TTLL5: variants seen among roughly 807,000 people sequenced by gnomAD.
TTLL5 encodes tubulin tyrosine ligase like 5.
In TTLL5, 132 loss-of-function variants were observed where a neutral mutation model predicts 168.4. The observed-to-expected ratio is 0.78, with a 90% CI of 0.68 to 0.91. The LOEUF is 0.91. Among genes scored for constraint, TTLL5 ranks in the 40% least tolerant of loss-of-function variants. The probability of loss-of-function intolerance (pLI) is 0.00; values close to 1 mark genes in which losing one functional copy is unlikely to be tolerated. For missense variants in TTLL5, 1,545 were observed against 1,581.5 expected, an observed-to-expected ratio of 0.98 and a Z score of 0.39; for synonymous variants, 546 against 558.6, an observed-to-expected ratio of 0.98 and a Z score of 0.32.
At chr14:75,750,969 G>A (rs1354894983) in intron 17 of TTLL5, among the ~76,000 whole-genome samples, 3 of 152,186 alleles carry the variant, frequency 2.0e-5, no homozygotes, top group Non-Finnish European at 4.4e-5. Flanking sequence ...CATAGGCATT[G>A]TGACGTGGTG....
At chr14:75,947,068 T>C (rs2034798036) in intron 31 of TTLL5, among the ~76,000 whole-genome samples, 1 of 152,182 alleles carries the variant, frequency 6.6e-6, no homozygotes, top group Non-Finnish European at 1.5e-5. Context: ...GACTTGGCGC[T>C]TGTCTTCTGA....
At chr14:75,782,841 G>C (rs1254916456) in intron 25 of TTLL5, among the ~76,000 whole-genome samples, 1 of 152,180 alleles carries the variant, frequency 6.6e-6, no homozygotes, top group Non-Finnish European at 1.5e-5. Context: ...ATTAGCTGTT[G>C]CTAGTGGAGA....
chr14:75,786,184 T>C (rs988610993), intron 26 of TTLL5, among the ~76,000 whole-genome samples: 1 of 152,164 alleles, frequency 6.6e-6, no homozygotes, highest in African/African-American at 2.4e-5. Context: ...TGGGTGATCT[T>C]GTTCTTGTGA....
intron 3 of TTLL5, among the ~76,000 whole-genome samples, chr14:75,672,370 C>G (rs1007501623): frequency 6.6e-6 from 1 of 152,066 alleles, no homozygotes; most frequent in Non-Finnish European, 1.5e-5. Flanking sequence ...CTCAGCCTCC[C>G]GAGTAGCTGG....
intron 18 of TTLL5, among the ~76,000 whole-genome samples, chr14:75,757,169 G>A (rs7160084): frequency 0.75 from 113,887 of 151,950 alleles, 42,966 homozygotes; most frequent in Admixed American, 0.8. Context: ...GTAGAGACAG[G>A]GTTTCACCGT....
At chr14:75,835,658 A>T (rs1197878212) in intron 28 of TTLL5, 1 of 152,248 alleles carries the variant, frequency 6.6e-6, no homozygotes, top group Non-Finnish European at 1.5e-5. Flanking sequence ...CTGATAAGAG[A>T]TTAATAATCA....
At chr14:75,745,024 G>A (rs1594959400) in intron 15 of TTLL5, 71 bp from the exon 16 acceptor site, 4 of 1,217,618 alleles carry the variant, frequency 3.3e-6, no homozygotes, top group African/African-American at 1.5e-5. Context: ...TTGAGGGAAT[G>A]AACAGAGGGT....
At position 75,686,056 on chromosome 14, in the gene TTLL5, AG is replaced by A. The variant is rs1169594167; in HGVS notation, c.371+2401del. 2.0e-5 allele frequency among the ~76,000 whole-genome samples: 3 copies of A among 152,212 alleles called. No individual in the cohort carries two copies. In the East Asian group the frequency reaches 5.8e-4, roughly 29 times the overall value. On this transcript the variant is annotated intron_variant, in intron 5 of 31. Transcript: ENST00000298832. ...TTCAGAAGAGGGCCGTAGATAAGAA[AG>A]AAATGTTTGTGGTACCTAGATTTGC...
chr14:75,856,143 A>C (rs2139911388), intron 28 of TTLL5, among the ~76,000 whole-genome samples: 1 of 152,238 alleles, frequency 6.6e-6, no homozygotes, highest in South Asian at 2.1e-4. Flanking sequence ...CGGGCTGATC[A>C]CCTGAGGTCG....
chr14:75,841,297 T>C (rs1191883435), intron 28 of TTLL5, among the ~76,000 whole-genome samples: 2 of 152,220 alleles, frequency 1.3e-5, no homozygotes, highest in Non-Finnish European at 2.9e-5. Flanking sequence ...ATTAACTTTC[T>C]GTCAGAAAAA....
At chr14:75,850,564 G>C (rs1896791309) in intron 28 of TTLL5, among the ~76,000 whole-genome samples, 2 of 152,168 alleles carry the variant, frequency 1.3e-5, no homozygotes, top group South Asian at 2.1e-4. Flanking sequence ...TAGGTGCCTA[G>C]TATATGCTAG....
At chr14:75,914,033 A>AAAAAAAAATATAT in intron 31 of TTLL5, among the ~76,000 whole-genome samples, 2 of 71,100 alleles carry the variant, frequency 2.8e-5, no homozygotes, top group Non-Finnish European at 4.1e-5. Context: ...AAAAAAAAAA[A>AAAAAAAAATATAT]ATATATATAT....
chr14:75,741,518 T>C (rs1048372350), intron 15 of TTLL5, among the ~76,000 whole-genome samples: 2 of 151,580 alleles, frequency 1.3e-5, no homozygotes, highest in African/African-American at 4.8e-5. Flanking sequence ...TTCAAATCAG[T>C]CTGATTCCTT....
intron 31 of TTLL5, among the ~76,000 whole-genome samples, chr14:75,928,342 C>CATATATATATATATATATCTATCTATAT (rs2034147440): frequency 1.2e-5 from 1 of 81,970 alleles, no homozygotes; most frequent in South Asian, 4.6e-4. Flanking sequence ...ATGACAAAAA[C>CATATATATATATATATATCTATCTATAT]ATATATATAT....
intron 30 of TTLL5, among the ~76,000 whole-genome samples, chr14:75,888,773 G>C (rs139481464): frequency 0.015 from 2,209 of 151,978 alleles, 19 homozygotes; most frequent in South Asian, 0.025. Flanking sequence ...GTCTCTGCTA[G>C]AAATACAAAA....
chr14:75,776,906 A>G (rs1891751427), intron 23 of TTLL5, 56 bp downstream of exon 23: 2 of 1,360,180 alleles, frequency 1.5e-6, no homozygotes, highest in South Asian at 2.5e-5. Flanking sequence ...CATAATGCTC[A>G]TTGAGTACCC....
chr14:75,794,261 A>G (rs1027461479), intron 27 of TTLL5, among the ~76,000 whole-genome samples: 4 of 152,172 alleles, frequency 2.6e-5, no homozygotes, highest in Non-Finnish European at 5.9e-5. Flanking sequence ...TGATAGAATT[A>G]TGGGAAGAGG....
intron 9 of TTLL5, among the ~76,000 whole-genome samples, chr14:75,714,670 GC>G (rs1316252531): frequency 6.6e-6 from 1 of 152,160 alleles, no homozygotes; most frequent in African/African-American, 2.4e-5. Context: ...TCTCAAGCTG[GC>G]TTTGTGTCCT....
chr14:75,886,523 G>A (rs1255260547), intron 30 of TTLL5, among the ~76,000 whole-genome samples: 1 of 152,052 alleles, frequency 6.6e-6, no homozygotes, highest in African/African-American at 2.4e-5. Context: ...AGCCCCTCTT[G>A]TCCCAGCAGT....
Sources: allele counts gnomAD v4.1 joint callset (sites outside exome capture counted in the v4.1 genomes callset), GRCh38; gene constraint gnomAD v4.1.1; transcripts MANE v1.5; gene names NCBI Gene and HGNC (gene_info 2026-07-23, HGNC 2026-07-21).